Variants in SNX18 observed in about 807,000 individuals in gnomAD.
SNX18 encodes sorting nexin 18.
A neutral mutation model predicts 48.7 loss-of-function variants in SNX18; 35 were observed. That is an observed-to-expected ratio of 0.72 (90% CI 0.55 to 0.95). The LOEUF (loss-of-function observed/expected upper bound fraction) is 0.95. Ranked by LOEUF, SNX18 falls within the 40% of genes least tolerant of loss-of-function variation. SNX18 has a pLI of 0.00. For missense variants in SNX18, 824 were observed against 871.0 expected (o/e 0.95, Z 0.68); for synonymous variants, 492 against 384.7 (o/e 1.28, Z -3.26).
chr5:54,522,272 G>T (rs931394898), intron 1 of SNX18, among the ~76,000 whole-genome samples: 9 of 152,188 alleles, frequency 5.9e-5, no homozygotes, highest in African/African-American at 2.2e-4. Context: ...ACTTGTGGTT[G>T]TAAAGAGCAT....
At chr5:54,594,045 T>G in the SNX18 span, among the ~76,000 whole-genome samples, 1 of 152,150 alleles carries the variant, frequency 6.6e-6, no homozygotes, top group African/African-American at 2.4e-5. Context: ...AAATAAATGA[T>G]AAGTAAATTG....
At chr5:54,574,384 A>G in the SNX18 span, among the ~76,000 whole-genome samples, 1 of 152,200 alleles carries the variant, frequency 6.6e-6, no homozygotes, top group African/African-American at 2.4e-5. Context: ...CCAAGTAATC[A>G]CAGTGCCTAT....
At chr5:54,617,456 A>G in the SNX18 span, among the ~76,000 whole-genome samples, 1 of 152,086 alleles carries the variant, frequency 6.6e-6, no homozygotes. Context: ...CCCAAGTAAA[A>G]CTTCTCAAAA....
chr5:54,518,843 C>T lies in SNX18; in HGVS notation c.891C>T (p.Ser297=), dbSNP rs949826245. 4 of 1,611,690 alleles carry T rather than the reference C, an allele frequency of 2.5e-6. No individual in the cohort carries two copies. The highest frequency in any genetic ancestry group is 3.4e-6 in the Non-Finnish European group (4 of 1,178,674). The change falls in exon 1 of 2, where the codon TCC becomes TCT. Residue 297 remains serine, a synonymous_variant. Transcript: ENST00000381410. ...TCAAGGGCATGAAGAGCTACATCTC[C>T]TACAAGCTGGTGCCCACGCACACGC... ...TKFKGMKSYI[S]YKLVPTHTQV...
chr5:54,554,676 T>C, the SNX18 span, among the ~76,000 whole-genome samples: 1 of 152,244 alleles, frequency 6.6e-6, no homozygotes, highest in Non-Finnish European at 1.5e-5. Flanking sequence ...TGTGTATGTG[T>C]TAAAAGCAAT....
the SNX18 span, among the ~76,000 whole-genome samples, chr5:54,634,655 C>T: frequency 1.3e-5 from 2 of 151,998 alleles, no homozygotes; most frequent in African/African-American, 4.8e-5. Context: ...ACAATTTAGA[C>T]CCCACTAAAA....
At chr5:54,586,526 C>T in the SNX18 span, among the ~76,000 whole-genome samples, 1 of 152,124 alleles carries the variant, frequency 6.6e-6, no homozygotes, top group Non-Finnish European at 1.5e-5. Context: ...CAAGGGTCAC[C>T]CCATGACAGA....
the SNX18 span, among the ~76,000 whole-genome samples, chr5:54,568,948 T>C: frequency 2.0e-5 from 3 of 149,546 alleles, no homozygotes; most frequent in Admixed American, 2.0e-4. Flanking sequence ...GTTCAAGCCA[T>C]TCTCCTACCT....
the SNX18 span, among the ~76,000 whole-genome samples, chr5:54,642,383 T>G: frequency 7.0e-6 from 1 of 142,578 alleles, no homozygotes; most frequent in African/African-American, 2.7e-5. Context: ...TTATGTTGGG[T>G]TTTTTTTTTT....
the SNX18 span, among the ~76,000 whole-genome samples, chr5:54,593,788 G>T: frequency 6.6e-6 from 1 of 152,210 alleles, no homozygotes; most frequent in African/African-American, 2.4e-5. Context: ...CATGGGGAAG[G>T]TATAGTCCTC....
chr5:54,584,916 T>G, the SNX18 span, among the ~76,000 whole-genome samples: 1 of 152,206 alleles, frequency 6.6e-6, no homozygotes, highest in Non-Finnish European at 1.5e-5. Flanking sequence ...GCCATGCTGG[T>G]TGGCCAACAC....
intron 1 of SNX18, among the ~76,000 whole-genome samples, chr5:54,522,034 A>G (rs1407983285): frequency 6.6e-6 from 1 of 152,240 alleles, no homozygotes; most frequent in Non-Finnish European, 1.5e-5. Flanking sequence ...TATTCAGTAT[A>G]GTTTGTTTCT....
the SNX18 span, among the ~76,000 whole-genome samples, chr5:54,564,400 T>G: frequency 6.6e-6 from 1 of 152,236 alleles, no homozygotes; most frequent in Non-Finnish European, 1.5e-5. Context: ...ATTCTTTCCA[T>G]ATTTTTACTT....
intron 1 of SNX18, among the ~76,000 whole-genome samples, chr5:54,537,422 GCTAA>G (rs1311200719): frequency 6.6e-6 from 1 of 152,162 alleles, no homozygotes; most frequent in African/African-American, 2.4e-5. Flanking sequence ...TCCAGATGCA[GCTAA>G]CTAATGAAGC....
At chr5:54,627,526 T>C in the SNX18 span, among the ~76,000 whole-genome samples, 1 of 152,214 alleles carries the variant, frequency 6.6e-6, no homozygotes, top group African/African-American at 2.4e-5. Flanking sequence ...TTCTTTGTTA[T>C]AAAAGATTCT....
At chr5:54,561,788 G>C in the SNX18 span, among the ~76,000 whole-genome samples, 1 of 152,174 alleles carries the variant, frequency 6.6e-6, no homozygotes, top group Non-Finnish European at 1.5e-5. Context: ...ATGGCCTTGA[G>C]AATGAACATA....
At chr5:54,616,587 G>A in the SNX18 span, among the ~76,000 whole-genome samples, 2 of 152,082 alleles carry the variant, frequency 1.3e-5, no homozygotes, top group African/African-American at 4.8e-5. Flanking sequence ...GGCCAATATG[G>A]TGAAACCCTG....
At chr5:54,633,882 C>A in the SNX18 span, among the ~76,000 whole-genome samples, 1 of 152,184 alleles carries the variant, frequency 6.6e-6, no homozygotes, top group Non-Finnish European at 1.5e-5. Context: ...CTTCATGGAG[C>A]TATTCATCTT....
chr5:54,634,040 A>G, the SNX18 span, among the ~76,000 whole-genome samples: 1 of 152,336 alleles, frequency 6.6e-6, no homozygotes, highest in South Asian at 2.1e-4. Flanking sequence ...AACAGCCCTG[A>G]GCAAAATGTG....
Sources: gnomAD v4.1 joint callset for allele counts (sites outside exome capture counted in the v4.1 genomes callset) on GRCh38, gnomAD v4.1.1 for gene constraint, MANE v1.5 for transcripts, NCBI Gene and HGNC (gene_info 2026-07-23, HGNC 2026-07-21) for gene names.